PRUNE2: variants seen among roughly 807,000 people sequenced by gnomAD.
The protein encoded by PRUNE2 is protein prune homolog 2.
A neutral mutation model predicts 252.0 loss-of-function variants in PRUNE2; 164 were observed. The ratio of observed to expected loss-of-function variants is 0.65; its 90% CI spans 0.57 to 0.74. The LOEUF is 0.74. Among genes scored for constraint, PRUNE2 ranks in the 30% least tolerant of loss-of-function variants. The probability of loss-of-function intolerance (pLI) is 0.00; values close to 1 mark genes in which losing one functional copy is unlikely to be tolerated. For missense variants in PRUNE2, 3,495 were observed against 3,711.0 expected (o/e 0.94, Z 1.51); for synonymous variants, 1,292 against 1,350.2 (o/e 0.96, Z 0.94).
intron 10 of PRUNE2, among the ~76,000 whole-genome samples, chr9:76,653,424 A>G (rs1848133078): frequency 6.6e-6 from 1 of 152,326 alleles, no homozygotes; most frequent in Non-Finnish European, 1.5e-5. Context: ...GAATAATTAT[A>G]ATACCTAATA....
intron 11 of PRUNE2, among the ~76,000 whole-genome samples, chr9:76,651,274 C>T (rs998516033): frequency 2.6e-5 from 4 of 152,030 alleles, no homozygotes; most frequent in African/African-American, 9.7e-5. Context: ...TTAGCCATTT[C>T]CTTTTTGAGG....
intron 4 of PRUNE2, among the ~76,000 whole-genome samples, chr9:76,835,785 T>C (rs553847597): frequency 6.6e-6 from 1 of 152,312 alleles, no homozygotes; most frequent in East Asian, 1.9e-4. Flanking sequence ...CCTTTCCTAT[T>C]TGACCTCCTT....
In PRUNE2 at chr9:76,826,646, A is replaced by T; in HGVS notation, c.595T>A (p.Phe199Ile). The T allele has an allele frequency of 6.2e-7, 1 of 1,612,890 alleles. No individual in the cohort carries two copies. The highest frequency in any genetic ancestry group is 8.5e-7 in the Non-Finnish European group (1 of 1,179,412). Residue 199 changes from phenylalanine to isoleucine, a missense_variant, in exon 5 of 19, where the codon TTT becomes ATT. Transcript: ENST00000376718. ...TCCTCTCTTGGAGGCAAGTTAGGAA[A>T]TTTTTCTTCCAGGATAGAAAGAATT... ...EEILSILEEK[F>I]PNLPPREDII...
chr9:76,620,130 C>A (rs1470099442), intron 17 of PRUNE2, among the ~76,000 whole-genome samples: 1 of 140,540 alleles, frequency 7.1e-6, no homozygotes, highest in Non-Finnish European at 1.5e-5. Context: ...ACTTTTATAC[C>A]CCTCCCATAA....
chr9:76,743,124 T>C (rs1024847505), intron 6 of PRUNE2, among the ~76,000 whole-genome samples: 8 of 152,234 alleles, frequency 5.3e-5, no homozygotes, highest in African/African-American at 1.7e-4. Flanking sequence ...AAGAAGGACG[T>C]GTTTGCCTTC....
At chr9:76,876,796 A>T (rs1475234120) in intron 1 of PRUNE2, among the ~76,000 whole-genome samples, 1 of 152,316 alleles carries the variant, frequency 6.6e-6, no homozygotes, top group South Asian at 2.1e-4. Flanking sequence ...TTTATATATA[A>T]TTACCCCAGT....
intron 6 of PRUNE2, among the ~76,000 whole-genome samples, chr9:76,749,893 C>T (rs1364449928): frequency 1.3e-5 from 2 of 152,192 alleles, no homozygotes; most frequent in African/African-American, 4.8e-5. Flanking sequence ...GAATCGCTTT[C>T]TGATCTTGAA....
At chr9:76,697,799 A>C (rs2045526330) in intron 9 of PRUNE2, among the ~76,000 whole-genome samples, 1 of 152,194 alleles carries the variant, frequency 6.6e-6, no homozygotes, top group South Asian at 2.1e-4. Flanking sequence ...TCATGTGTTA[A>C]GTCAGTTTGC....
At chr9:76,720,988 C>A (rs1245506526) in intron 6 of PRUNE2, among the ~76,000 whole-genome samples, 1 of 152,136 alleles carries the variant, frequency 6.6e-6, no homozygotes, top group East Asian at 1.9e-4. Context: ...GTAGTCCCAG[C>A]TACTCGGAGA....
chr9:76,893,331 A>G (rs1228703174), intron 1 of PRUNE2, among the ~76,000 whole-genome samples: 1 of 152,242 alleles, frequency 6.6e-6, no homozygotes, highest in East Asian at 1.9e-4. Flanking sequence ...TATAATTGTT[A>G]AAATAACTCA....
intron 1 of PRUNE2, among the ~76,000 whole-genome samples, chr9:76,878,363 G>A (rs1318652342): frequency 6.6e-6 from 1 of 152,200 alleles, no homozygotes; most frequent in African/African-American, 2.4e-5. Context: ...GTGCTGTTAT[G>A]AAGAAGCGAT....
At position 76,637,419 on chromosome 9, in the gene PRUNE2, G is replaced by A. The variant is rs781546930; in HGVS notation, c.8962C>T (p.Arg2988Trp). 3.6e-5 allele frequency: 58 copies of A among 1,613,236 alleles called. No individual in the cohort carries two copies. The highest frequency in any genetic ancestry group is 5.3e-5 in the African/African-American group (4 of 74,864). The change falls in exon 14 of 19, where the codon CGG becomes TGG. Residue 2988 changes from arginine (R) to tryptophan (W), a missense_variant and splice_region_variant. By Grantham distance (101) the Arg-to-Trp change is moderately radical. Coordinates refer to ENST00000376718, the MANE Select transcript of PRUNE2 (RefSeq NM_015225.3). Reference sequence around the variant, plus strand: ...GATTAAATAATAGAGCCCACATACCGTCTGTCAATCATCTGGTAGCATTTC... The same window carrying A: ...GATTAAATAATAGAGCCCACATACCATCTGTCAATCATCTGGTAGCATTTC... ...MKKCYQMIDR[R>W]LRKNLKSFII...
chr9:76,771,613 A>G (rs2053116900), intron 6 of PRUNE2, among the ~76,000 whole-genome samples: 2 of 152,190 alleles, frequency 1.3e-5, no homozygotes, highest in South Asian at 4.1e-4. Context: ...CAGAGTATTG[A>G]ATGGCTGCAA....
chr9:76,629,112 G>A, intron 16 of PRUNE2, 80 bp downstream of exon 16: 1 of 810,294 alleles, frequency 1.2e-6, no homozygotes, highest in Non-Finnish European at 2.0e-6. Flanking sequence ...CAAAGTGCTA[G>A]GATTACAGGC....
chr9:76,854,199 T>C lies in PRUNE2; in HGVS notation c.46A>G (p.Lys16Glu). Residue 16 changes from lysine to glutamate, a missense_variant, in exon 2 of 19, where the codon AAA (lysine) becomes GAA (glutamate). Transcript: ENST00000376718. ...QRAKSKLNRSKRLEKVHVVIG... is the reference protein window; with the variant it reads ...QRAKSKLNRSERLEKVHVVIG... ...ACCACATGGACCTTCTCCAAGCGTT[T>C]GCTTCGATTCTGAAACAAATTCAAA... 1 of 1,585,146 alleles carries C rather than the reference T, an allele frequency of 6.3e-7. No homozygotes were observed. The highest frequency in any genetic ancestry group is 8.6e-7 in the Non-Finnish European group (1 of 1,161,800).
chr9:76,774,678 C>T (rs1041781515), intron 6 of PRUNE2, among the ~76,000 whole-genome samples: 1 of 151,828 alleles, frequency 6.6e-6, no homozygotes, highest in Non-Finnish European at 1.5e-5. Flanking sequence ...AGGCTGGTCT[C>T]GAATTCCCGA....
chr9:76,672,230 A>G, intron 9 of PRUNE2, among the ~76,000 whole-genome samples: 1 of 129,224 alleles, frequency 7.7e-6, no homozygotes, highest in African/African-American at 2.9e-5. Flanking sequence ...AATGGAAAAC[A>G]AAAAAAGGCA....
At chr9:76,698,753 C>T (rs2045622426) in intron 9 of PRUNE2, among the ~76,000 whole-genome samples, 1 of 152,180 alleles carries the variant, frequency 6.6e-6, no homozygotes, top group South Asian at 2.1e-4. Flanking sequence ...AAAAAGATCT[C>T]ACGGTGTCAC....
chr9:76,703,875 C>A lies in PRUNE2; in HGVS notation c.7738G>T (p.Gly2580Cys). Residue 2580 changes from glycine to cysteine, a missense_variant, in exon 9 of 19, where the codon GGT becomes TGT. Gly to Cys is a radical substitution (Grantham distance 159, BLOSUM62 -3). Coordinates refer to ENST00000376718, the MANE Select transcript of PRUNE2 (RefSeq NM_015225.3). ...ESIAELELYV[G>C]SKETGLQGTQ... ...CCCTGCAGCCCTGTTTCTTTGGAAC[C>A]TACATACAATTCTAATTCAGCTATG... is the stretch of plus-strand genomic sequence containing the variant. 7 of 1,613,900 alleles carry A rather than the reference C, an allele frequency of 4.3e-6. No individual in the cohort carries two copies. The highest frequency in any genetic ancestry group is 5.9e-6 in the Non-Finnish European group (7 of 1,179,864).
Sources: gnomAD v4.1 joint callset for allele counts (sites outside exome capture counted in the v4.1 genomes callset) on GRCh38, gnomAD v4.1.1 for gene constraint, MANE v1.5 for transcripts, NCBI Gene and HGNC (gene_info 2026-07-23, HGNC 2026-07-21) for gene names.